The following ANKS1B variants were observed in gnomAD, a reference collection of about 807,000 sequenced individuals.
ANKS1B encodes the protein ankyrin repeat and sterile alpha motif domain-containing protein 1B.
ANKS1B carries 36 observed loss-of-function variants against 148.3 expected under a neutral mutation model. The observed-to-expected ratio is 0.24, with a 90% confidence interval of 0.19 to 0.32. The LOEUF is 0.32. Ranked by LOEUF, ANKS1B falls within the 10% of genes least tolerant of loss-of-function variation. ANKS1B has a pLI of 1.00. For synonymous variants in ANKS1B, 542 were observed against 560.8 expected (o/e 0.97, Z 0.47); for missense variants, 1,157 against 1,542.6 (o/e 0.75, Z 4.19).
chr12:99,217,512 T>A (rs2084401439), intron 14 of ANKS1B, among the ~76,000 whole-genome samples: 1 of 152,160 alleles, frequency 6.6e-6, no homozygotes, highest in Non-Finnish European at 1.5e-5. Context: ...CTTCCTTAAG[T>A]TGGACCCAAT....
At chr12:99,039,386 A>G (rs1340404594) in intron 17 of ANKS1B, among the ~76,000 whole-genome samples, 3 of 152,076 alleles carry the variant, frequency 2.0e-5, no homozygotes, top group African/African-American at 7.2e-5. Flanking sequence ...CCTGGCAGCA[A>G]TTCATTCAGT....
rs1359618209 is a variant in ANKS1B at position 99,243,640 on chromosome 12, G to A, written c.2419+702C>T. Reference sequence around the variant, plus strand: ...TTGGAACCAACCCAAATGTCCACCAGTGATAGACTGGATTAAGAAAATGTG... The same window carrying A: ...TTGGAACCAACCCAAATGTCCACCAATGATAGACTGGATTAAGAAAATGTG... On this transcript the variant is annotated intron_variant, in intron 14 of 26. Transcript: ENST00000683438. 7.9e-5 allele frequency among the ~76,000 whole-genome samples: 12 copies of A among 152,266 alleles called. 1 individual carries two copies. Among genetic ancestry groups the A allele is most frequent in the African/African-American group, 1.7e-4 (7 of 41,556 alleles).
chr12:99,915,269 C>T (rs1334152795), intron 1 of ANKS1B, among the ~76,000 whole-genome samples: 3 of 148,472 alleles, frequency 2.0e-5, no homozygotes, highest in Non-Finnish European at 4.4e-5. Context: ...GGCACACCTT[C>T]ACATTGGTGG....
chr12:99,825,239 G>C lies in ANKS1B; in HGVS notation c.215+70C>G, dbSNP rs751108812. The C allele has an allele frequency of 7.6e-6, 10 of 1,323,260 alleles. No individual in the cohort carries two copies. In the East Asian group the frequency reaches 2.2e-4, roughly 29 times the overall value. 82.0% of individuals were successfully genotyped at this position (1,323,260 alleles called of 1,614,324 possible). On this transcript the variant is annotated intron_variant, in intron 2 of 26. Transcript: ENST00000683438. ...CTCACAGAGACATGAGAAAGGTATC[G>C]TCAAGACATAATTAACTTCATCACA...
intron 12 of ANKS1B, among the ~76,000 whole-genome samples, chr12:99,338,668 G>T (rs933286228): frequency 6.6e-6 from 1 of 152,170 alleles, no homozygotes. Context: ...AGTCTCACAA[G>T]GCACGTGGCA....
At chr12:98,758,227 T>C (rs894201383) in intron 25 of ANKS1B, among the ~76,000 whole-genome samples, 1 of 152,128 alleles carries the variant, frequency 6.6e-6, no homozygotes, top group Non-Finnish European at 1.5e-5. Flanking sequence ...TACTTCCATT[T>C]TGCACATGAG....
intron 9 of ANKS1B, among the ~76,000 whole-genome samples, chr12:99,561,227 G>C: frequency 6.6e-6 from 1 of 151,886 alleles, no homozygotes; most frequent in East Asian, 1.9e-4. Flanking sequence ...TCTATAGCAT[G>C]TGATGCTGTT....
chr12:99,716,158 C>T (rs774262559), intron 8 of ANKS1B, among the ~76,000 whole-genome samples: 4 of 151,884 alleles, frequency 2.6e-5, no homozygotes, highest in Admixed American at 1.3e-4. Context: ...CCCTTATTTC[C>T]GTGCCCCGAC....
At chr12:98,907,571 T>C (rs2099781091) in intron 17 of ANKS1B, among the ~76,000 whole-genome samples, 1 of 152,068 alleles carries the variant, frequency 6.6e-6, no homozygotes. Flanking sequence ...ATGGTGGTGG[T>C]GGGGGAGTCT....
At chr12:99,367,953 C>A (rs1377219861) in intron 12 of ANKS1B, among the ~76,000 whole-genome samples, 1 of 151,972 alleles carries the variant, frequency 6.6e-6, no homozygotes, top group Admixed American at 6.6e-5. Flanking sequence ...TATAATTTTA[C>A]AAATGAAAAT....
intron 17 of ANKS1B, among the ~76,000 whole-genome samples, chr12:99,044,836 T>C (rs2099961282): frequency 6.6e-6 from 1 of 152,182 alleles, no homozygotes; most frequent in Non-Finnish European, 1.5e-5. Flanking sequence ...GCAGGGCAGG[T>C]ATTTTTTATC....
intron 9 of ANKS1B, among the ~76,000 whole-genome samples, chr12:99,512,104 ACTAT>A (rs2096772278): frequency 6.6e-6 from 1 of 152,150 alleles, no homozygotes; most frequent in Non-Finnish European, 1.5e-5. Context: ...AGCAAAAGAA[ACTAT>A]CAACAGAGTG....
intron 9 of ANKS1B, among the ~76,000 whole-genome samples, chr12:99,529,713 C>T (rs2096967718): frequency 6.6e-6 from 1 of 152,112 alleles, no homozygotes; most frequent in East Asian, 1.9e-4. Flanking sequence ...TTCCTAATTA[C>T]CCTTAAATCC....
intron 17 of ANKS1B, among the ~76,000 whole-genome samples, chr12:98,979,353 C>T (rs1020486628): frequency 3.3e-5 from 5 of 151,348 alleles, no homozygotes; most frequent in African/African-American, 4.8e-5. Context: ...CTGCAACCCC[C>T]GCCTCCCGGG....
chr12:98,759,096 C>T (rs369266148), intron 25 of ANKS1B, among the ~76,000 whole-genome samples: 1 of 151,886 alleles, frequency 6.6e-6, no homozygotes, highest in Admixed American at 6.6e-5. Context: ...TTTTGATCTG[C>T]GAATTAAGAA....
chr12:99,935,204 G>A (rs2094730688), intron 1 of ANKS1B, among the ~76,000 whole-genome samples: 1 of 152,020 alleles, frequency 6.6e-6, no homozygotes, highest in Non-Finnish European at 1.5e-5. Context: ...TGAGATGGAT[G>A]GGTAGAATAG....
At chr12:99,547,136 AG>A (rs1162087352) in intron 9 of ANKS1B, among the ~76,000 whole-genome samples, 1 of 152,106 alleles carries the variant, frequency 6.6e-6, no homozygotes, top group Non-Finnish European at 1.5e-5. Flanking sequence ...GAGTCAGACC[AG>A]GGTTTGCATC....
intron 10 of ANKS1B, among the ~76,000 whole-genome samples, chr12:99,501,527 C>T (rs1567222501): frequency 6.6e-6 from 1 of 152,112 alleles, no homozygotes; most frequent in African/African-American, 2.4e-5. Flanking sequence ...AGGAATTTCC[C>T]ACCCCCTGAC....
intron 1 of ANKS1B, among the ~76,000 whole-genome samples, chr12:99,888,820 T>C (rs991577148): frequency 2.0e-5 from 3 of 152,284 alleles, no homozygotes; most frequent in African/African-American, 7.2e-5. Context: ...AGGTCTTAAG[T>C]ATGGTTACAT....
Sources: gnomAD v4.1 joint callset for allele counts (sites outside exome capture counted in the v4.1 genomes callset) on GRCh38, gnomAD v4.1.1 for gene constraint, MANE v1.5 for transcripts, NCBI Gene and HGNC (gene_info 2026-07-23, HGNC 2026-07-21) for gene names.